PIEZO2: variants seen among roughly 807,000 people sequenced by gnomAD.
PIEZO2 encodes piezo type mechanosensitive ion channel component 2.
Under a neutral mutation model 337.3 loss-of-function variants are expected in PIEZO2, and 172 were observed. The observed-to-expected ratio is 0.51, with a 90% CI of 0.45 to 0.58. The LOEUF (loss-of-function observed/expected upper bound fraction) is 0.58. PIEZO2 is among the 20% of genes least tolerant of loss of function. The pLI is 0.00. For missense variants in PIEZO2, 3,028 were observed against 3,391.3 expected, an observed-to-expected ratio of 0.89 and a Z score of 2.66; for synonymous variants, 1,251 against 1,228.5, an observed-to-expected ratio of 1.02 and a Z score of -0.38.
intron 1 of PIEZO2, among the ~76,000 whole-genome samples, chr18:11,133,765 G>A (rs909103037): frequency 1.3e-5 from 2 of 151,422 alleles, no homozygotes; most frequent in South Asian, 2.1e-4. Flanking sequence ...TTGTGATCGC[G>A]TAAGTTAATA....
chr18:11,051,972 G>C (rs1469816719), intron 2 of PIEZO2, among the ~76,000 whole-genome samples: 1 of 152,234 alleles, frequency 6.6e-6, no homozygotes, highest in Non-Finnish European at 1.5e-5. Context: ...AATGTACCAG[G>C]TCTCACTGAG....
chr18:10,907,449 A>C (rs939526792), intron 4 of PIEZO2, among the ~76,000 whole-genome samples: 4 of 152,082 alleles, frequency 2.6e-5, no homozygotes, highest in Non-Finnish European at 4.4e-5. Flanking sequence ...GTCTCAAAAA[A>C]AAAAAAAAGA....
Position 10,752,697 on chromosome 18 carries a change from C to T in PIEZO2, c.4106G>A (p.Arg1369His), listed in dbSNP as rs1356279084. Reference protein sequence around the residue: ...LLLKPIKSILRYWDWLIAYNV... With the variant: ...LLLKPIKSILHYWDWLIAYNV... ...GTATGCGATCAGCCAGTCCCAGTAG[C>T]GCAGGATGCTCTTGATGGGTTTCAA... The change falls in exon 28 of 56, where the codon CGC (arginine) becomes CAC (histidine). Residue 1369 changes from arginine (R) to histidine (H), a missense_variant. By Grantham distance (29) the Arg-to-His change is conservative. Around this residue, in one of 5 missense-constraint regions of PIEZO2, gnomAD observed 1,925 missense variants for 2,051.9 expected, o/e 0.94. Coordinates refer to ENST00000674853, the MANE Select transcript of PIEZO2 (RefSeq NM_001378183.1). 8 of 1,537,090 alleles carry T rather than the reference C, an allele frequency of 5.2e-6. No homozygotes were observed. Among genetic ancestry groups the T allele is most frequent in the South Asian group, 4.8e-5 (4 of 84,058 alleles).
At chr18:10,751,487 C>T (rs1399800992) in intron 28 of PIEZO2, among the ~76,000 whole-genome samples, 1 of 152,184 alleles carries the variant, frequency 6.6e-6, no homozygotes, top group African/African-American at 2.4e-5. Context: ...AAGTCACTTT[C>T]ACCATCACCT....
chr18:10,956,616 T>C (rs536714308), intron 3 of PIEZO2, among the ~76,000 whole-genome samples: 2 of 152,330 alleles, frequency 1.3e-5, no homozygotes, highest in African/African-American at 2.4e-5. Context: ...GGCATCACAT[T>C]CCTTGATTTC....
At chr18:10,937,232 C>G (rs1004258924) in intron 3 of PIEZO2, among the ~76,000 whole-genome samples, 1 of 152,250 alleles carries the variant, frequency 6.6e-6, no homozygotes, top group East Asian at 1.9e-4. Flanking sequence ...AGTGACCTCC[C>G]TTGGGTTAGT....
At chr18:10,675,990 C>A (rs565017783) in intron 53 of PIEZO2, among the ~76,000 whole-genome samples, 50 of 152,274 alleles carry the variant, frequency 3.3e-4, no homozygotes, top group Admixed American at 1.6e-3. Context: ...AATTCAACCT[C>A]TTTCCTTTAT....
intron 3 of PIEZO2, among the ~76,000 whole-genome samples, chr18:10,927,251 T>C (rs2031798751): frequency 6.6e-6 from 1 of 152,210 alleles, no homozygotes; most frequent in African/African-American, 2.4e-5. Context: ...TTATTATTTT[T>C]TAAAGGTGAC....
At chr18:10,797,348 T>C in intron 12 of PIEZO2, 26 bp downstream of exon 12, 1 of 1,451,942 alleles carries the variant, frequency 6.9e-7, no homozygotes, top group Non-Finnish European at 9.4e-7. Context: ...CATATCATAT[T>C]ATACCTATCA....
chr18:10,801,813 G>A (rs912308147), intron 9 of PIEZO2, among the ~76,000 whole-genome samples: 5 of 152,112 alleles, frequency 3.3e-5, no homozygotes, highest in African/African-American at 7.2e-5. Flanking sequence ...TGGGCTCGGC[G>A]CGGTAGCTCA....
At chr18:10,917,353 A>T (rs2031060235) in intron 3 of PIEZO2, among the ~76,000 whole-genome samples, 1 of 152,112 alleles carries the variant, frequency 6.6e-6, no homozygotes, top group Non-Finnish European at 1.5e-5. Context: ...ATAACACAAA[A>T]GGGTTTTTAA....
Position 11,047,841 on chromosome 18 carries a change from T to A in PIEZO2, c.160+18286A>T, listed in dbSNP as rs2037374555. ...GCGAATATAATGATGATGACATTGATGTTTGAGGGTGACATTCCTTTGCAC... is the reference window on the plus strand; with the variant it reads ...GCGAATATAATGATGATGACATTGAAGTTTGAGGGTGACATTCCTTTGCAC... On this transcript the variant is annotated intron_variant, in intron 2 of 55. Coordinates refer to ENST00000674853, the MANE Select transcript of PIEZO2 (RefSeq NM_001378183.1). This position sits in a 1 kb window ranked among gnomAD's most constrained non-coding sequence, Gnocchi z 7.2. Among the ~76,000 whole-genome samples, 1 of 152,144 alleles carries A rather than the reference T, an allele frequency of 6.6e-6. No homozygotes were observed. Among genetic ancestry groups the A allele is most frequent in the Admixed American group, 6.6e-5 (1 of 15,266 alleles).
chr18:10,670,362 T>A lies in PIEZO2; in HGVS notation c.*1165A>T, dbSNP rs1223722569. 6.6e-6 allele frequency: 1 copy of A among 152,218 alleles called. No homozygotes were observed. The highest frequency in any genetic ancestry group is 2.4e-5 in the African/African-American group (1 of 41,454). The allele number at this position is 152,218 out of a possible 1,614,324, so 9.4% of individuals were successfully genotyped here. ...TCTTCTCAGAAACTGTATCTTAATA[T>A]GGAATGAAAACTACATTTCAATCAT... On this transcript the variant is annotated 3_prime_UTR_variant, in exon 56 of 56. Coordinates refer to ENST00000674853, the MANE Select transcript of PIEZO2 (RefSeq NM_001378183.1).
chr18:10,732,419 T>C (rs371470266), intron 35 of PIEZO2, among the ~76,000 whole-genome samples: 1 of 152,224 alleles, frequency 6.6e-6, no homozygotes, highest in Admixed American at 6.5e-5. Context: ...TCTTATTCTA[T>C]AGTATTTTCA....
chr18:10,915,332 C>T (rs1314001548), intron 3 of PIEZO2, among the ~76,000 whole-genome samples: 1 of 143,300 alleles, frequency 7.0e-6, no homozygotes, highest in Admixed American at 7.1e-5. Flanking sequence ...AGGATGCCCT[C>T]GCCTTCCCTC....
At chr18:10,977,205 G>GT (rs2034478614) in intron 3 of PIEZO2, among the ~76,000 whole-genome samples, 1 of 151,924 alleles carries the variant, frequency 6.6e-6, no homozygotes, top group Non-Finnish European at 1.5e-5. Flanking sequence ...TTAGACTCTT[G>GT]TGAGTCAGAA....
In PIEZO2 at chr18:11,133,863, CCT is replaced by C. The variant is rs202104722; in HGVS notation, c.64+14660_64+14661del. On this transcript the variant is annotated intron_variant, in intron 1 of 55. Transcript: ENST00000674853. ...TATATATATATACACTTAATAAACT[CCT>C]CTCTCTCTATATATATATACATATA... is the stretch of plus-strand genomic sequence containing the variant. Among the ~76,000 whole-genome samples the C allele has an allele frequency of 1.3e-3, 197 of 151,054 alleles. 1 individual carries two copies. The Middle Eastern group carries it at 0.014, about 11-fold the overall frequency.
intron 21 of PIEZO2, among the ~76,000 whole-genome samples, chr18:10,765,314 G>A (rs2038305484): frequency 6.6e-6 from 1 of 152,208 alleles, no homozygotes. Flanking sequence ...TGTGAGAGAA[G>A]TGTGATCTGA....
intron 2 of PIEZO2, among the ~76,000 whole-genome samples, chr18:11,061,985 A>G (rs988006037): frequency 1.3e-5 from 2 of 152,234 alleles, no homozygotes; most frequent in African/African-American, 4.8e-5. Flanking sequence ...AGCTGGAGGC[A>G]TCATGCTACC....
Sources: allele counts gnomAD v4.1 joint callset (sites outside exome capture counted in the v4.1 genomes callset), GRCh38; gene constraint gnomAD v4.1.1; regional missense constraint gnomAD v4.1.1; non-coding constraint Gnocchi (gnomAD v3.1); transcripts MANE v1.5; gene names NCBI Gene and HGNC (gene_info 2026-07-23, HGNC 2026-07-21).